ADCY7: variants seen among roughly 807,000 people sequenced by gnomAD.
The protein encoded by ADCY7 is adenylate cyclase type 7.
ADCY7 carries 72 observed loss-of-function variants against 120.6 expected under a neutral mutation model. The observed-to-expected ratio is 0.60, with a 90% CI of 0.49 to 0.73. ADCY7 has a LOEUF of 0.73. Ranked by LOEUF, ADCY7 falls within the 30% of genes least tolerant of loss-of-function variation. ADCY7 has a pLI of 0.00. For missense variants in ADCY7, 1,227 were observed against 1,486.0 expected (o/e 0.83, Z 2.87); for synonymous variants, 661 against 628.0 (o/e 1.05, Z -0.78).
chr16:50,302,780 G>C (rs564562963), intron 10 of ADCY7, among the ~76,000 whole-genome samples: 2 of 152,348 alleles, frequency 1.3e-5, no homozygotes, highest in South Asian at 4.1e-4. Flanking sequence ...TAAGGTGGCA[G>C]TGGCGGGCCC....
chr16:50,246,095 G>T (rs1192786662), upstream of ADCY7: 2 of 150,280 alleles, frequency 1.3e-5, no homozygotes, highest in East Asian at 1.9e-4. Context: ...CGCGGCCAGC[G>T]GGGGGCGCCT....
intron 10 of ADCY7, among the ~76,000 whole-genome samples, chr16:50,303,379 G>A (rs1004685015): frequency 6.6e-6 from 1 of 152,190 alleles, no homozygotes; most frequent in Non-Finnish European, 1.5e-5. Flanking sequence ...GTGGCTTATC[G>A]AGTGCTTGTA....
At chr16:50,313,283 T>C (rs2036584878) in intron 22 of ADCY7, 2 of 386,230 alleles carry the variant, frequency 5.2e-6, no homozygotes, top group Non-Finnish European at 9.7e-6. Context: ...AAGCTGGGCT[T>C]GGGGCGCACA....
intron 25 of ADCY7, 64 bp from the exon 26 acceptor site, chr16:50,315,295 C>T: frequency 1.3e-6 from 2 of 1,579,698 alleles, no homozygotes; most frequent in South Asian, 1.2e-5. Flanking sequence ...CAGTCTCTAT[C>T]TGTCCCTACC....
chr16:50,302,496 G>C (rs533336786), intron 10 of ADCY7, among the ~76,000 whole-genome samples: 2 of 152,122 alleles, frequency 1.3e-5, no homozygotes, highest in African/African-American at 2.4e-5. Flanking sequence ...ATCATGTTTC[G>C]CATAAGTGTT....
chr16:50,250,514 C>T (rs2032726639), intron 1 of ADCY7, among the ~76,000 whole-genome samples: 1 of 148,474 alleles, frequency 6.7e-6, no homozygotes, highest in Non-Finnish European at 1.5e-5. Context: ...TGCAGTAGCT[C>T]ACATATTTAA....
At position 50,315,077 on chromosome 16, in the gene ADCY7, G is replaced by A; in HGVS notation, c.3035G>A (p.Trp1012Ter). ...IGARKPQYDIWGNTVNVASRM... is the reference protein window; with the variant it reads ...IGARKPQYDI ...GCCCGAAAACCTCAGTATGACATCT[G>A]GGGAAACACTGTCAATGTGGCCAGC... Residue 1012 changes from tryptophan to a stop codon, truncating the protein, a stop_gained, in exon 25 of 26, where the codon TGG becomes TAG. Transcript: ENST00000673801. LOFTEE classifies it high-confidence loss of function. The A allele has an allele frequency of 6.2e-7, 1 of 1,614,218 alleles. No individual in the cohort carries two copies. The highest frequency in any genetic ancestry group is 8.5e-7 in the Non-Finnish European group (1 of 1,180,044).
intron 10 of ADCY7, 123 bp from the exon 11 acceptor site, chr16:50,304,237 G>A: frequency 9.7e-7 from 1 of 1,034,362 alleles, no homozygotes; most frequent in Non-Finnish European, 1.3e-6. Flanking sequence ...CTTCTTTGCT[G>A]TTTATTTTTT....
chr16:50,284,114 G>A (rs1202794899), intron 1 of ADCY7, among the ~76,000 whole-genome samples: 2 of 152,178 alleles, frequency 1.3e-5, no homozygotes, highest in Admixed American at 6.5e-5. Flanking sequence ...GTGCCTCTGG[G>A]TCTGGCTTTG....
At chr16:50,277,470 A>G (rs534202577) in intron 1 of ADCY7, among the ~76,000 whole-genome samples, 9 of 152,322 alleles carry the variant, frequency 5.9e-5, no homozygotes, top group African/African-American at 1.7e-4. Context: ...TATGAGACTT[A>G]TGAAATGCTT....
At chr16:50,276,178 C>G (rs892150298) in intron 1 of ADCY7, among the ~76,000 whole-genome samples, 2 of 152,218 alleles carry the variant, frequency 1.3e-5, no homozygotes, top group African/African-American at 4.8e-5. Flanking sequence ...CCTTGAGGCC[C>G]AACTAGGCCC....
chr16:50,249,268 C>T (rs544038520), intron 1 of ADCY7, among the ~76,000 whole-genome samples: 2 of 152,182 alleles, frequency 1.3e-5, no homozygotes, highest in African/African-American at 2.4e-5. Context: ...GATGAAACCC[C>T]GTCTCTACTA....
At chr16:50,287,226 G>A (rs914153056) in intron 1 of ADCY7, among the ~76,000 whole-genome samples, 5 of 151,806 alleles carry the variant, frequency 3.3e-5, no homozygotes, top group Middle Eastern at 3.4e-3. Flanking sequence ...CGTGGGCCAG[G>A]CTGGTCTCGA....
chr16:50,284,446 G>C (rs2034460948), intron 1 of ADCY7, among the ~76,000 whole-genome samples: 1 of 152,226 alleles, frequency 6.6e-6, no homozygotes, highest in Admixed American at 6.5e-5. Context: ...GCCCAGCCTG[G>C]CTTTGTGTGC....
intron 10 of ADCY7, among the ~76,000 whole-genome samples, chr16:50,303,892 C>T (rs916231143): frequency 9.2e-5 from 14 of 152,120 alleles, no homozygotes; most frequent in South Asian, 2.1e-4. Flanking sequence ...GCCGGCCACA[C>T]GTGGGAGGGC....
chr16:50,290,356 G>A (rs927692045), intron 2 of ADCY7, 101 bp from the exon 3 acceptor site: 2 of 1,301,860 alleles, frequency 1.5e-6, no homozygotes, highest in African/African-American at 2.9e-5. Context: ...CCTTCACGTG[G>A]AGGAAGCTGT....
intron 1 of ADCY7, among the ~76,000 whole-genome samples, chr16:50,258,595 A>ATT (rs5816685): frequency 4.3e-5 from 6 of 140,352 alleles, no homozygotes; most frequent in African/African-American, 1.0e-4. Flanking sequence ...TTAAGGTAGT[A>ATT]TTTTTTTTTT....
chr16:50,268,831 G>A (rs542464277), intron 1 of ADCY7, among the ~76,000 whole-genome samples: 8 of 152,298 alleles, frequency 5.3e-5, no homozygotes, highest in Non-Finnish European at 1.2e-4. Context: ...GAGCCCAGGG[G>A]TTCGAGACCA....
In ADCY7 at chr16:50,288,004, G is replaced by A. The variant is rs561124542; in HGVS notation, c.-176G>A. ...TGAGGCCTGGTGCCAGAGCTGTGCG[G>A]ACCCCTTGTTGGCCATGGAGCAGCA... On this transcript the variant is annotated 5_prime_UTR_variant, in exon 2 of 26. Coordinates refer to ENST00000673801, the MANE Select transcript of ADCY7 (RefSeq NM_001114.5). 23 of 660,506 alleles carry A rather than the reference G, an allele frequency of 3.5e-5. No homozygotes were observed. The South Asian group carries it at 4.7e-4, about 13-fold the overall frequency. The allele number at this position is 660,506 out of a possible 1,614,324, so 40.9% of individuals were successfully genotyped here. A position where few individuals can be genotyped will look rare whatever the true frequency, so the allele number is the denominator to read the frequency against.
Sources: allele counts gnomAD v4.1 joint callset (sites outside exome capture counted in the v4.1 genomes callset), GRCh38; gene constraint gnomAD v4.1.1; transcripts MANE v1.5; gene names NCBI Gene and HGNC (gene_info 2026-07-23, HGNC 2026-07-21).